Variants in ZNF385D observed in about 807,000 individuals in gnomAD.
ZNF385D encodes zinc finger protein 385D.
Under a neutral mutation model 35.8 loss-of-function variants are expected in ZNF385D, and 15 were observed. The observed-to-expected ratio is 0.42, with a 90% CI of 0.28 to 0.64. The LOEUF is 0.64. ZNF385D is among the 30% of genes least tolerant of loss of function. The pLI, the probability that ZNF385D is intolerant of heterozygous loss-of-function variation, is 0.23. For synonymous variants in ZNF385D, 212 were observed against 186.8 expected (o/e 1.13, Z -1.10); for missense variants, 474 against 494.6 (o/e 0.96, Z 0.39).
At chr3:21,709,411 C>G (rs1366693154) in intron 1 of ZNF385D, among the ~76,000 whole-genome samples, 5 of 152,080 alleles carry the variant, frequency 3.3e-5, no homozygotes, top group Non-Finnish European at 5.9e-5. Flanking sequence ...CTCTCTAACC[C>G]TAAGGTGACT....
chr3:21,653,970 A>T (rs1298219306), intron 2 of ZNF385D, among the ~76,000 whole-genome samples: 2 of 152,044 alleles, frequency 1.3e-5, no homozygotes, highest in South Asian at 2.1e-4. Flanking sequence ...ATATGTACAG[A>T]TGTTCTAAAG....
intron 2 of ZNF385D, among the ~76,000 whole-genome samples, chr3:22,311,993 A>G (rs1368097212): frequency 6.6e-6 from 1 of 152,152 alleles, no homozygotes; most frequent in Admixed American, 6.6e-5. Context: ...ACTTGGAGGC[A>G]TTAGAATCCT....
intron 2 of ZNF385D, among the ~76,000 whole-genome samples, chr3:22,276,343 C>T (rs186107546): frequency 1.2e-3 from 177 of 152,060 alleles, no homozygotes; most frequent in Admixed American, 2.0e-3. Context: ...AATAGCCACT[C>T]GTTATTTATA....
intron 3 of ZNF385D, among the ~76,000 whole-genome samples, chr3:22,094,637 G>C (rs540435296): frequency 1.2e-3 from 189 of 152,042 alleles, no homozygotes; most frequent in African/African-American, 4.3e-3. Context: ...CCAGTGAGAA[G>C]CTTTGGTTCA....
intron 3 of ZNF385D, among the ~76,000 whole-genome samples, chr3:21,887,362 A>G (rs181148887): frequency 1.3e-5 from 2 of 152,322 alleles, no homozygotes; most frequent in Admixed American, 6.5e-5. Context: ...AATAGTTTGT[A>G]AAAATAAATT....
intron 2 of ZNF385D, among the ~76,000 whole-genome samples, chr3:22,249,291 A>T (rs1699948238): frequency 1.3e-5 from 2 of 152,138 alleles, no homozygotes; most frequent in Non-Finnish European, 2.9e-5. Context: ...CATATTAGCA[A>T]CTGTCTTAAT....
chr3:22,227,138 A>G (rs539679707), intron 2 of ZNF385D, among the ~76,000 whole-genome samples: 1 of 151,622 alleles, frequency 6.6e-6, no homozygotes, highest in South Asian at 2.1e-4. Flanking sequence ...ATTATATAAC[A>G]TAATATTTTG....
intron 2 of ZNF385D, among the ~76,000 whole-genome samples, chr3:22,347,840 G>T (rs1203001335): frequency 2.0e-5 from 3 of 152,082 alleles, no homozygotes; most frequent in African/African-American, 7.2e-5. Flanking sequence ...TATAAATTAA[G>T]AACATTCTAA....
intron 1 of ZNF385D, among the ~76,000 whole-genome samples, chr3:21,732,030 GTTTTTTTTTTTTT>G (rs1214143626): frequency 1.1e-4 from 4 of 37,370 alleles, no homozygotes; most frequent in Admixed American, 4.7e-4. Flanking sequence ...TTTTTTCGGG[GTTTTTTTTTTTTT>G]TTTTTTTTTT....
intron 3 of ZNF385D, among the ~76,000 whole-genome samples, chr3:22,104,724 G>A (rs2125631673): frequency 6.6e-6 from 1 of 152,212 alleles, no homozygotes; most frequent in East Asian, 1.9e-4. Context: ...AAAAGCACTA[G>A]CAAATAAAGA....
intron 3 of ZNF385D, among the ~76,000 whole-genome samples, chr3:21,529,131 T>A (rs1195105784): frequency 6.6e-6 from 1 of 152,136 alleles, no homozygotes; most frequent in Admixed American, 6.6e-5. Flanking sequence ...TCTTACTAAG[T>A]CAATATTTAC....
intron 3 of ZNF385D, among the ~76,000 whole-genome samples, chr3:21,851,824 G>C (rs545745576): frequency 6.6e-6 from 1 of 151,766 alleles, no homozygotes; most frequent in Non-Finnish European, 1.5e-5. Context: ...TAATATTGGG[G>C]TCCAGATATA....
intron 3 of ZNF385D, among the ~76,000 whole-genome samples, chr3:22,106,821 A>G (rs576154235): frequency 2.6e-5 from 4 of 152,132 alleles, no homozygotes; most frequent in African/African-American, 4.8e-5. Flanking sequence ...CAGTATCAGC[A>G]TAGGTTAGAC....
rs190535634 is a variant in ZNF385D at position 22,068,411 on chromosome 3, G to A, written c.325+100406C>T. On this transcript the variant is annotated intron_variant, in intron 3 of 5. Coordinates refer to the ZNF385D transcript ENST00000494108. ...CTGTCCTTAAGTCCTATATCCAAGTGTAGTAAACAGACATCTGAATGTCTC... is the reference window on the plus strand; with the variant it reads ...CTGTCCTTAAGTCCTATATCCAAGTATAGTAAACAGACATCTGAATGTCTC... Among the ~76,000 whole-genome samples the A allele has an allele frequency of 2.6e-5, 4 of 152,284 alleles. No individual in the cohort carries two copies. The East Asian group carries it at 7.7e-4, about 29-fold the overall frequency.
chr3:21,969,759 T>C (rs1290142889), intron 3 of ZNF385D, among the ~76,000 whole-genome samples: 1 of 151,198 alleles, frequency 6.6e-6, no homozygotes, highest in African/African-American at 2.4e-5. Context: ...GACTCACTGC[T>C]ATGCTGGCTT....
chr3:21,605,242 A>G (rs1030409515), intron 2 of ZNF385D, among the ~76,000 whole-genome samples: 7 of 152,166 alleles, frequency 4.6e-5, no homozygotes, highest in Admixed American at 4.6e-4. Flanking sequence ...AGGAAGACAC[A>G]CAAGATATGT....
At chr3:22,310,483 A>T (rs1703478750) in intron 2 of ZNF385D, among the ~76,000 whole-genome samples, 1 of 152,036 alleles carries the variant, frequency 6.6e-6, no homozygotes, top group Non-Finnish European at 1.5e-5. Flanking sequence ...TTTATGCTAT[A>T]TCCAGGTTTT....
intron 3 of ZNF385D, among the ~76,000 whole-genome samples, chr3:22,042,891 A>C (rs1698754897): frequency 6.6e-6 from 1 of 152,170 alleles, no homozygotes; most frequent in East Asian, 1.9e-4. Flanking sequence ...ATTACACAGG[A>C]AGTGTGAACT....
At chr3:21,628,415 T>G (rs1203847237) in intron 2 of ZNF385D, among the ~76,000 whole-genome samples, 3 of 152,046 alleles carry the variant, frequency 2.0e-5, no homozygotes, top group Non-Finnish European at 4.4e-5. Context: ...ACTAACTGAT[T>G]GTGTTACCTT....
Sources: allele counts gnomAD v4.1 joint callset (sites outside exome capture counted in the v4.1 genomes callset), GRCh38; gene constraint gnomAD v4.1.1; transcripts MANE v1.5; gene names NCBI Gene and HGNC (gene_info 2026-07-23, HGNC 2026-07-21).